PLEKHM2: variants seen among roughly 807,000 people sequenced by gnomAD.
PLEKHM2 encodes pleckstrin homology domain-containing family M member 2.
PLEKHM2 carries 77 observed loss-of-function variants against 116.3 expected under a neutral mutation model. The ratio of observed to expected loss-of-function variants is 0.66; its 90% confidence interval spans 0.55 to 0.80. The LOEUF (loss-of-function observed/expected upper bound fraction) is 0.80. Among genes scored for constraint, PLEKHM2 ranks in the 30% least tolerant of loss-of-function variants. PLEKHM2 has a pLI of 0.00. For missense variants in PLEKHM2, 1,183 were observed against 1,354.9 expected, an observed-to-expected ratio of 0.87 and a Z score of 1.99; for synonymous variants, 562 against 571.0, an observed-to-expected ratio of 0.98 and a Z score of 0.22.
At chr1:15,730,215 C>A (rs916222489) in intron 14 of PLEKHM2, among the ~76,000 whole-genome samples, 1 of 152,142 alleles carries the variant, frequency 6.6e-6, no homozygotes, top group Non-Finnish European at 1.5e-5. Flanking sequence ...CCAAGGCAGG[C>A]GGATCACCTG....
At chr1:15,733,093 C>T (rs1196944137) in intron 19 of PLEKHM2, among the ~76,000 whole-genome samples, 1 of 152,240 alleles carries the variant, frequency 6.6e-6, no homozygotes, top group African/African-American at 2.4e-5. Flanking sequence ...TGGACTGGGC[C>T]TTGGGTGATT....
chr1:15,702,090 T>C (rs1571031879), intron 1 of PLEKHM2, among the ~76,000 whole-genome samples: 1 of 152,156 alleles, frequency 6.6e-6, no homozygotes, highest in East Asian at 1.9e-4. Context: ...ACCTTTCCCC[T>C]GGGGATCTGC....
intron 19 of PLEKHM2, 96 bp from the exon 20 acceptor site, chr1:15,733,701 C>A: frequency 7.3e-7 from 1 of 1,371,500 alleles, no homozygotes; most frequent in Non-Finnish European, 1.0e-6. Flanking sequence ...ACAGGGGCTC[C>A]GTGGCCAAGG....
At chr1:15,700,644 T>C (rs1357607476) in intron 1 of PLEKHM2, among the ~76,000 whole-genome samples, 2 of 152,232 alleles carry the variant, frequency 1.3e-5, no homozygotes, top group Non-Finnish European at 2.9e-5. Context: ...TCTTACTGAA[T>C]GGGAGGCCCC....
chr1:15,686,878 C>T (rs1640783211), intron 1 of PLEKHM2, among the ~76,000 whole-genome samples: 1 of 151,950 alleles, frequency 6.6e-6, no homozygotes, highest in African/African-American at 2.4e-5. Flanking sequence ...TCTCGATCTC[C>T]TCACCTTGTG....
chr1:15,728,445 T>G lies in PLEKHM2; in HGVS notation c.1921+88T>G. The G allele has an allele frequency of 8.0e-7, 1 of 1,251,802 alleles. No homozygotes were observed. The highest frequency in any genetic ancestry group is 1.5e-5 in the African/African-American group (1 of 67,616). The allele number at this position is 1,251,802 out of a possible 1,614,324, so 77.5% of individuals were successfully genotyped here. On this transcript the variant is annotated intron_variant, in intron 11 of 19. Transcript: ENST00000375799. This position sits in a 1 kb window ranked among gnomAD's most constrained non-coding sequence, Gnocchi z 5.9. Reference sequence around the variant, plus strand: ...CCAGTCCCCTTGCCCTCTGAGTGCCTCCCGGCTGCCTGGCATGCAGTGATG... The same window carrying G: ...CCAGTCCCCTTGCCCTCTGAGTGCCGCCCGGCTGCCTGGCATGCAGTGATG...
chr1:15,715,757 T>C (rs1641431098), intron 1 of PLEKHM2, among the ~76,000 whole-genome samples: 1 of 152,224 alleles, frequency 6.6e-6, no homozygotes, highest in South Asian at 2.1e-4. Context: ...AAATTAAAAC[T>C]TTCTCAATAG....
In PLEKHM2 at chr1:15,716,251, T is replaced by G. The variant is rs1161377740; in HGVS notation, c.75T>G (p.Phe25Leu). Residue 25 changes from phenylalanine to leucine, a missense_variant, in exon 2 of 20, where the codon TTT (phenylalanine) becomes TTG (leucine). Phe to Leu is a conservative substitution (Grantham distance 22, BLOSUM62 0). Coordinates refer to ENST00000375799, the MANE Select transcript of PLEKHM2 (RefSeq NM_015164.4). ...SLSVKKLQSY[F>L]AACEDEIPAI... Reference sequence around the variant, plus strand: ...TTTTCTTTCAGTTGCAGAGCTATTTTGCTGCATGTGAGGATGAGATCCCTG... The same window carrying G: ...TTTTCTTTCAGTTGCAGAGCTATTTGGCTGCATGTGAGGATGAGATCCCTG... 2 of 1,592,652 alleles carry G rather than the reference T, an allele frequency of 1.3e-6. No homozygotes were observed. The highest frequency in any genetic ancestry group is 3.5e-5 in the Admixed American group (2 of 57,884).
chr1:15,729,246 G>T lies in PLEKHM2; in HGVS notation c.2075+56G>T. On this transcript the variant is annotated intron_variant, in intron 13 of 19. Transcript: ENST00000375799. The surrounding 1 kb of genome is among the most constrained non-coding windows in gnomAD (Gnocchi z 4.7). ...TTGGAGAGTTCGCAGCCGCCCATAG[G>T]TGTGGGTGGCCTGGGGGTCAGGGGT... 1 of 1,453,296 alleles carries T rather than the reference G, an allele frequency of 6.9e-7. No individual in the cohort carries two copies. The highest frequency in any genetic ancestry group is 9.5e-7 in the Non-Finnish European group (1 of 1,051,206). 90.0% of individuals were successfully genotyped at this position (1,453,296 alleles called of 1,614,324 possible). A position where few individuals can be genotyped will look rare whatever the true frequency, so the allele number is the denominator to read the frequency against.
intron 7 of PLEKHM2, among the ~76,000 whole-genome samples, chr1:15,724,346 G>A (rs888984356): frequency 6.6e-6 from 1 of 152,224 alleles, no homozygotes; most frequent in African/African-American, 2.4e-5. Context: ...AGCTGGGCAT[G>A]GTGGCGCATG....
At chr1:15,698,710 G>T (rs1641052074) in intron 1 of PLEKHM2, among the ~76,000 whole-genome samples, 1 of 151,756 alleles carries the variant, frequency 6.6e-6, no homozygotes, top group South Asian at 2.1e-4. Context: ...ACCACACCTG[G>T]CTAATTTTTT....
chr1:15,703,293 C>T (rs143020134), intron 1 of PLEKHM2, among the ~76,000 whole-genome samples: 1 of 152,170 alleles, frequency 6.6e-6, no homozygotes, highest in African/African-American at 2.4e-5. Context: ...GGTGGAGCCC[C>T]ACAGTGGCCA....
intron 1 of PLEKHM2, among the ~76,000 whole-genome samples, chr1:15,689,393 T>TAAGAGGG (rs1321762288): frequency 2.0e-5 from 3 of 152,094 alleles, no homozygotes; most frequent in Admixed American, 6.5e-5. Flanking sequence ...TGACCTGTCT[T>TAAGAGGG]AAGAGGGACC....
In PLEKHM2 at chr1:15,700,498, T is replaced by C. The variant is rs1381764136; in HGVS notation, c.61-15739T>C. 2.0e-5 allele frequency among the ~76,000 whole-genome samples: 3 copies of C among 152,146 alleles called. No homozygotes were observed. In the East Asian group the frequency reaches 5.8e-4, roughly 29 times the overall value. ...GGCTCCGGTCTCCCTGCCTATAAAA[T>C]GAGGGTTGTGGCTAAGTGATTATTT... On this transcript the variant is annotated intron_variant, in intron 1 of 19. Coordinates refer to ENST00000375799, the MANE Select transcript of PLEKHM2 (RefSeq NM_015164.4).
rs1389748278 is a variant in PLEKHM2 at position 15,734,243 on chromosome 1, G to A, written c.*309G>A. The A allele has an allele frequency of 1.6e-5, 6 of 365,400 alleles. No individual in the cohort carries two copies. Among genetic ancestry groups the A allele is most frequent in the Non-Finnish European group, 3.0e-5 (6 of 201,166 alleles). 22.6% of individuals were successfully genotyped at this position (365,400 alleles called of 1,614,324 possible). On this transcript the variant is annotated 3_prime_UTR_variant, in exon 20 of 20. Transcript: ENST00000375799. Reference sequence around the variant, plus strand: ...CTCCGCCTCAGTCTGCAGAATTTCTGCCGAGTGGCACCGAGAACACCATCC... The same window carrying A: ...CTCCGCCTCAGTCTGCAGAATTTCTACCGAGTGGCACCGAGAACACCATCC...
chr1:15,718,500 G>T (rs781637569), intron 4 of PLEKHM2, 38 bp from the exon 5 acceptor site: 8 of 1,273,680 alleles, frequency 6.3e-6, no homozygotes. Flanking sequence ...CTGGTAAACA[G>T]ACCCAGAGGC....
At chr1:15,697,168 GC>G (rs1571025742) in intron 1 of PLEKHM2, among the ~76,000 whole-genome samples, 1 of 152,272 alleles carries the variant, frequency 6.6e-6, no homozygotes, top group East Asian at 1.9e-4. Context: ...CTTCTCCTCC[GC>G]CAGTGCCACA....
intron 7 of PLEKHM2, among the ~76,000 whole-genome samples, chr1:15,722,304 C>T (rs1376517339): frequency 6.6e-5 from 10 of 152,086 alleles, no homozygotes; most frequent in East Asian, 1.9e-4. Flanking sequence ...CCACCACGCC[C>T]GGCTAATTTT....
At chr1:15,711,739 C>CA (rs1011112674) in intron 1 of PLEKHM2, among the ~76,000 whole-genome samples, 1 of 151,704 alleles carries the variant, frequency 6.6e-6, no homozygotes, top group African/African-American at 2.4e-5. Context: ...CTCAATAGGG[C>CA]AAAAAAATGA....
Sources: allele counts gnomAD v4.1 joint callset (sites outside exome capture counted in the v4.1 genomes callset), GRCh38; gene constraint gnomAD v4.1.1; non-coding constraint Gnocchi (gnomAD v3.1); transcripts MANE v1.5; gene names NCBI Gene and HGNC (gene_info 2026-07-23, HGNC 2026-07-21).